Variants in TENM3 observed in about 807,000 individuals in gnomAD.
TENM3 encodes teneurin transmembrane protein 3.
In TENM3, 63 loss-of-function variants were observed where a neutral mutation model predicts 255.1. The ratio of observed to expected loss-of-function variants is 0.25; its 90% confidence interval spans 0.20 to 0.30. The LOEUF is 0.30. Ranked by LOEUF, TENM3 falls within the 10% of genes least tolerant of loss-of-function variation. The pLI, the probability that TENM3 is intolerant of heterozygous loss-of-function variation, is 1.00. For missense variants in TENM3, 2,929 were observed against 3,461.1 expected (o/e 0.85, Z 3.86); for synonymous variants, 1,306 against 1,322.3 (o/e 0.99, Z 0.27).
the TENM3 span, among the ~76,000 whole-genome samples, chr4:181,612,667 C>A: frequency 1.1e-3 from 166 of 151,882 alleles, no homozygotes; most frequent in African/African-American, 3.9e-3. Context: ...TTCTTTTTTT[C>A]TTTTTATGTG....
chr4:181,758,934 A>T, the TENM3 span, among the ~76,000 whole-genome samples: 7 of 152,194 alleles, frequency 4.6e-5, no homozygotes, highest in African/African-American at 1.7e-4. Flanking sequence ...CACATTTAAA[A>T]ATCAATACCA....
the TENM3 span, among the ~76,000 whole-genome samples, chr4:181,812,401 T>C: frequency 6.6e-6 from 1 of 152,252 alleles, no homozygotes; most frequent in African/African-American, 2.4e-5. Context: ...AATTGGCTGA[T>C]AATTTATGAC....
chr4:182,407,065 T>C (rs1769632079), intron 3 of TENM3, among the ~76,000 whole-genome samples: 1 of 152,168 alleles, frequency 6.6e-6, no homozygotes, highest in Non-Finnish European at 1.5e-5. Context: ...TTTTTATCCA[T>C]GGTTCGACTG....
chr4:181,897,087 A>G, the TENM3 span, among the ~76,000 whole-genome samples: 7 of 152,158 alleles, frequency 4.6e-5, no homozygotes, highest in Non-Finnish European at 8.8e-5. Context: ...ATTCCTCCAT[A>G]GGGATTCACC....
At chr4:181,891,649 C>T in the TENM3 span, among the ~76,000 whole-genome samples, 3 of 152,174 alleles carry the variant, frequency 2.0e-5, no homozygotes, top group Non-Finnish European at 2.9e-5. Context: ...CAACTATCAC[C>T]TATATGCTCA....
chr4:182,425,808 G>C (rs1407872411), intron 3 of TENM3, among the ~76,000 whole-genome samples: 1 of 152,068 alleles, frequency 6.6e-6, no homozygotes. Flanking sequence ...AGGAGATCAA[G>C]ACCAGCCTGA....
At chr4:182,778,578 CA>C (rs1764885874) in intron 24 of TENM3, among the ~76,000 whole-genome samples, 1 of 152,148 alleles carries the variant, frequency 6.6e-6, no homozygotes, top group South Asian at 2.1e-4. Flanking sequence ...CCCCCCATGA[CA>C]TCTTGGCTAA....
chr4:181,884,264 G>T, the TENM3 span, among the ~76,000 whole-genome samples: 1 of 151,584 alleles, frequency 6.6e-6, no homozygotes, highest in Non-Finnish European at 1.5e-5. Flanking sequence ...CGAATTTCCC[G>T]TTTATTTCTG....
chr4:181,704,172 G>T, the TENM3 span, among the ~76,000 whole-genome samples: 1 of 152,070 alleles, frequency 6.6e-6, no homozygotes, highest in Non-Finnish European at 1.5e-5. Context: ...TTAAGCAATC[G>T]CGTTTGTATT....
At chr4:182,489,516 G>A (rs1413061090) in intron 3 of TENM3, among the ~76,000 whole-genome samples, 1 of 152,046 alleles carries the variant, frequency 6.6e-6, no homozygotes, top group Non-Finnish European at 1.5e-5. Context: ...CACATAGTGG[G>A]CATGTGTAAA....
At chr4:181,916,108 A>C in the TENM3 span, among the ~76,000 whole-genome samples, 1 of 151,832 alleles carries the variant, frequency 6.6e-6, no homozygotes, top group East Asian at 1.9e-4. Flanking sequence ...CAGGGGTTTA[A>C]CATATTCTGC....
intron 2 of TENM3, among the ~76,000 whole-genome samples, chr4:182,326,254 C>G (rs1164351244): frequency 1.3e-5 from 2 of 152,200 alleles, no homozygotes; most frequent in African/African-American, 4.8e-5. Context: ...AATGCTGCCA[C>G]CCTACTGCGT....
chr4:182,365,322 T>C (rs1766356067), intron 3 of TENM3, among the ~76,000 whole-genome samples: 1 of 152,218 alleles, frequency 6.6e-6, no homozygotes, highest in South Asian at 2.1e-4. Flanking sequence ...GCACAGTGAC[T>C]CTGCTTTTTC....
intron 12 of TENM3, among the ~76,000 whole-genome samples, chr4:182,691,627 G>C (rs1322550639): frequency 6.6e-6 from 1 of 152,030 alleles, no homozygotes; most frequent in Non-Finnish European, 1.5e-5. Flanking sequence ...CAGCAAATTA[G>C]GCATATTCGT....
At chr4:182,614,512 C>G (rs2152436664) in intron 4 of TENM3, among the ~76,000 whole-genome samples, 2 of 152,198 alleles carry the variant, frequency 1.3e-5, no homozygotes, top group South Asian at 4.1e-4. Flanking sequence ...TTACTTATTA[C>G]TTCTTAGCTG....
chr4:181,866,008 C>T, the TENM3 span, among the ~76,000 whole-genome samples: 57 of 152,170 alleles, frequency 3.7e-4, no homozygotes, highest in Non-Finnish European at 7.2e-4. Flanking sequence ...TCTTTAAATC[C>T]ATAGGTCTTA....
At chr4:181,480,823 A>G in the TENM3 span, among the ~76,000 whole-genome samples, 2 of 149,272 alleles carry the variant, frequency 1.3e-5, no homozygotes, top group African/African-American at 4.9e-5. Context: ...ATATAGATAT[A>G]TATTAATAGT....
chr4:181,927,055 G>A, the TENM3 span, among the ~76,000 whole-genome samples: 5 of 152,258 alleles, frequency 3.3e-5, no homozygotes, highest in South Asian at 6.2e-4. Flanking sequence ...TGCCACCAGA[G>A]CCCTGGGTTT....
the TENM3 span, among the ~76,000 whole-genome samples, chr4:181,786,495 T>G: frequency 2.6e-5 from 4 of 151,458 alleles, no homozygotes; most frequent in Non-Finnish European, 4.4e-5. Context: ...GGGATGAGGG[T>G]TGAGGGGTGA....
Sources: gnomAD v4.1 joint callset for allele counts (sites outside exome capture counted in the v4.1 genomes callset) on GRCh38, gnomAD v4.1.1 for gene constraint, MANE v1.5 for transcripts, NCBI Gene and HGNC (gene_info 2026-07-23, HGNC 2026-07-21) for gene names.